Variants in CHST9 observed in about 807,000 individuals in gnomAD.
CHST9 encodes the protein GalNAc-4-sulfotransferase 2.
In CHST9, 41 loss-of-function variants were observed where a neutral mutation model predicts 44.4. The ratio of observed to expected loss-of-function variants is 0.92; its 90% CI spans 0.72 to 1.20. The LOEUF (loss-of-function observed/expected upper bound fraction) is 1.20, where lower values mean the gene tolerates loss of function less well. CHST9 is among the 50% of genes most tolerant of loss of function. CHST9 has a pLI of 0.00. For synonymous variants in CHST9, 171 were observed against 178.4 expected (o/e 0.96, Z 0.33); for missense variants, 504 against 516.5 (o/e 0.98, Z 0.23).
chr18:27,123,731 C>T (rs527282285), intron 2 of CHST9, among the ~76,000 whole-genome samples: 1 of 152,318 alleles, frequency 6.6e-6, no homozygotes, highest in East Asian at 1.9e-4. Context: ...GTGCTGACAT[C>T]AAGAACATGG....
intron 4 of CHST9, among the ~76,000 whole-genome samples, chr18:27,004,546 T>C (rs928007467): frequency 1.3e-5 from 2 of 152,136 alleles, no homozygotes; most frequent in African/African-American, 4.8e-5. Flanking sequence ...ATGTATTTTT[T>C]CCCTCTCTTG....
chr18:27,179,027 T>C (rs1284024229), intron 1 of CHST9, among the ~76,000 whole-genome samples: 1 of 151,700 alleles, frequency 6.6e-6, no homozygotes, highest in East Asian at 1.9e-4. Context: ...TATGCTTTCA[T>C]AAATATGCAC....
chr18:26,964,490 A>T (rs961086775), intron 4 of CHST9, among the ~76,000 whole-genome samples: 17 of 152,324 alleles, frequency 1.1e-4, no homozygotes, highest in African/African-American at 4.1e-4. Context: ...AGAAAATCAG[A>T]TCTAGGCCCA....
At chr18:26,945,851 C>CA (rs759540596) in intron 4 of CHST9, among the ~76,000 whole-genome samples, 12 of 151,920 alleles carry the variant, frequency 7.9e-5, no homozygotes, top group Admixed American at 4.6e-4. Context: ...AAACTGTTTT[C>CA]AAAAAAAGAT....
chr18:27,063,242 C>T (rs1169763187), intron 2 of CHST9, among the ~76,000 whole-genome samples: 2 of 152,294 alleles, frequency 1.3e-5, no homozygotes, highest in East Asian at 3.9e-4. Context: ...CCAGGGCTTT[C>T]ACAAATCACA....
intron 2 of CHST9, among the ~76,000 whole-genome samples, chr18:27,120,470 C>T (rs142312928): frequency 1.5e-4 from 23 of 152,178 alleles, no homozygotes; most frequent in African/African-American, 5.5e-4. Flanking sequence ...GTTCTTGAGC[C>T]TAATTACTCA....
intron 4 of CHST9, among the ~76,000 whole-genome samples, chr18:26,970,342 T>C (rs1390147486): frequency 1.3e-5 from 2 of 152,246 alleles, no homozygotes; most frequent in Non-Finnish European, 2.9e-5. Flanking sequence ...TCCAAATGAA[T>C]GCTTCCTATC....
At chr18:27,038,874 C>G (rs922679483) in intron 3 of CHST9, among the ~76,000 whole-genome samples, 4 of 152,046 alleles carry the variant, frequency 2.6e-5, no homozygotes, top group Non-Finnish European at 5.9e-5. Context: ...TGCAATAATA[C>G]TTTCAATATC....
chr18:26,916,932 G>A lies in CHST9; in HGVS notation c.659C>T (p.Pro220Leu). Reference sequence around the variant, plus strand: ...TTTCCAATTGGAACAGCCAGCCTTAGGTACCTCACAATATAAGATTTTGTG... The same window carrying A: ...TTTCCAATTGGAACAGCCAGCCTTAAGTACCTCACAATATAAGATTTTGTG... ...DKHKILYCEVPKAGCSNWKRI... is the reference protein window; with the variant it reads ...DKHKILYCEVLKAGCSNWKRI... Residue 220 changes from proline (P) to leucine (L), a missense_variant, in exon 6 of 6, where the codon CCT becomes CTT. Physicochemically the swap from Pro to Leu is moderately conservative, Grantham distance 98. Coordinates refer to ENST00000618847, the MANE Select transcript of CHST9 (RefSeq NM_031422.6). 6.2e-7 allele frequency: 1 copy of A among 1,613,798 alleles called. No homozygotes were observed. The highest frequency in any genetic ancestry group is 8.5e-7 in the Non-Finnish European group (1 of 1,179,824).
intron 4 of CHST9, among the ~76,000 whole-genome samples, chr18:26,953,094 C>T (rs554217895): frequency 1.3e-5 from 2 of 152,146 alleles, no homozygotes; most frequent in Non-Finnish European, 2.9e-5. Context: ...TCAAGAATAT[C>T]TCTTGAATAT....
intron 1 of CHST9, among the ~76,000 whole-genome samples, chr18:27,154,767 C>T (rs1435304708): frequency 6.6e-6 from 1 of 152,014 alleles, no homozygotes; most frequent in African/African-American, 2.4e-5. Context: ...CACTTACTAG[C>T]TTTGTGACAC....
At chr18:27,065,547 T>C (rs1050477714) in intron 2 of CHST9, among the ~76,000 whole-genome samples, 1 of 150,910 alleles carries the variant, frequency 6.6e-6, no homozygotes, top group African/African-American at 2.4e-5. Flanking sequence ...AAAGGAAAGG[T>C]ATAATGAAGT....
At chr18:26,983,590 C>A (rs2056719516) in intron 4 of CHST9, among the ~76,000 whole-genome samples, 1 of 152,152 alleles carries the variant, frequency 6.6e-6, no homozygotes, top group Non-Finnish European at 1.5e-5. Flanking sequence ...TCGATTAAAT[C>A]TCTTTTGTTT....
intron 2 of CHST9, among the ~76,000 whole-genome samples, chr18:27,132,106 C>T (rs2058476864): frequency 6.6e-6 from 1 of 152,182 alleles, no homozygotes; most frequent in African/African-American, 2.4e-5. Flanking sequence ...GCTCTGGTCA[C>T]TTATATTGGC....
chr18:26,964,017 GTTC>G (rs1322991197), intron 4 of CHST9, among the ~76,000 whole-genome samples: 1 of 152,140 alleles, frequency 6.6e-6, no homozygotes, highest in Non-Finnish European at 1.5e-5. Flanking sequence ...GAAGCAAATA[GTTC>G]TTCTTATAGT....
At chr18:27,018,963 G>A (rs555266863) in intron 4 of CHST9, among the ~76,000 whole-genome samples, 3 of 152,128 alleles carry the variant, frequency 2.0e-5, no homozygotes, top group Admixed American at 6.5e-5. Flanking sequence ...TTCTCAATTT[G>A]TCTCATTCTC....
At chr18:26,925,444 G>T (rs1176188621) in intron 5 of CHST9, among the ~76,000 whole-genome samples, 1 of 152,190 alleles carries the variant, frequency 6.6e-6, no homozygotes, top group African/African-American at 2.4e-5. Context: ...GCTGGAGCTG[G>T]TGTCTCAAAT....
intron 2 of CHST9, among the ~76,000 whole-genome samples, chr18:27,066,041 T>C (rs971207671): frequency 5.9e-5 from 9 of 152,170 alleles, no homozygotes; most frequent in Middle Eastern, 3.2e-3. Flanking sequence ...AGGTGGCATG[T>C]AGAGGGCACA....
intron 5 of CHST9, among the ~76,000 whole-genome samples, chr18:26,941,624 C>T (rs1304020920): frequency 1.3e-5 from 2 of 151,288 alleles, no homozygotes; most frequent in East Asian, 3.9e-4. Context: ...ATTGAACTGC[C>T]AAAGAGACAG....
Sources: allele counts gnomAD v4.1 joint callset (sites outside exome capture counted in the v4.1 genomes callset), GRCh38; gene constraint gnomAD v4.1.1; transcripts MANE v1.5; gene names NCBI Gene and HGNC (gene_info 2026-07-23, HGNC 2026-07-21).